Variants in SFXN2 observed in about 807,000 individuals in gnomAD.
SFXN2 encodes sideroflexin 2.
A neutral mutation model predicts 41.9 loss-of-function variants in SFXN2; 37 were observed. The ratio of observed to expected loss-of-function variants is 0.88; its 90% confidence interval spans 0.68 to 1.16. The LOEUF (loss-of-function observed/expected upper bound fraction) is 1.16, where lower values mean the gene tolerates loss of function less well. SFXN2 is among the 50% of genes most tolerant of loss of function. SFXN2 has a pLI of 0.00. For synonymous variants in SFXN2, 150 were observed against 156.7 expected (o/e 0.96, Z 0.32); for missense variants, 386 against 425.2 (o/e 0.91, Z 0.81).
chr10:102,726,521 G>C, intron 1 of SFXN2, 91 bp from the exon 2 acceptor site: 1 of 1,348,524 alleles, frequency 7.4e-7, no homozygotes, highest in Non-Finnish European at 1.0e-6. Context: ...TAGCTGGTGA[G>C]AGCAGGCAGT....
chr10:102,736,936 C>T (rs1464209506), intron 11 of SFXN2, among the ~76,000 whole-genome samples: 1 of 151,772 alleles, frequency 6.6e-6, no homozygotes, highest in African/African-American at 2.4e-5. Flanking sequence ...GGGCAGATCA[C>T]CTGAGGTCGA....
intron 1 of SFXN2, among the ~76,000 whole-genome samples, chr10:102,726,245 G>C (rs1396660174): frequency 6.6e-6 from 1 of 152,202 alleles, no homozygotes; most frequent in Non-Finnish European, 1.5e-5. Flanking sequence ...ACTGCACCCA[G>C]CTGGCTGTTT....
intron 6 of SFXN2, among the ~76,000 whole-genome samples, chr10:102,731,483 C>T (rs1380445327): frequency 6.6e-6 from 1 of 152,110 alleles, no homozygotes; most frequent in Non-Finnish European, 1.5e-5. Context: ...CACACACATC[C>T]CCTGCAGTTT....
At position 102,722,484 on chromosome 10, in the gene SFXN2, G is replaced by T. The variant is rs578046872; in HGVS notation, c.-25-4128G>T. 9.9e-5 allele frequency among the ~76,000 whole-genome samples: 15 copies of T among 152,256 alleles called. No individual in the cohort carries two copies. In the East Asian group the frequency reaches 2.7e-3, roughly 27 times the overall value. ...TTGTTTTAAACAAACGTATCTGTTTGTTAACTGTTAACAGTTCAGAATAAG... is the reference window on the plus strand; with the variant it reads ...TTGTTTTAAACAAACGTATCTGTTTTTTAACTGTTAACAGTTCAGAATAAG... On this transcript the variant is annotated intron_variant, in intron 1 of 11. Coordinates refer to ENST00000369893, the MANE Select transcript of SFXN2 (RefSeq NM_178858.6).
Position 102,737,651 on chromosome 10 carries a change from C to T in SFXN2, c.870-12C>T, listed in dbSNP as rs1287136015. ...CTGGTGGCATGCTCATAATCCACTT[C>T]TCTCTTTTCAGTGAATTGCCAGTTT... is the stretch of plus-strand genomic sequence containing the variant. On this transcript the variant is annotated splice_polypyrimidine_tract_variant and intron_variant, in intron 11 of 11. Coordinates refer to ENST00000369893, the MANE Select transcript of SFXN2 (RefSeq NM_178858.6). 7 of 1,586,444 alleles carry T rather than the reference C, an allele frequency of 4.4e-6. No individual in the cohort carries two copies. Among genetic ancestry groups the T allele is most frequent in the Non-Finnish European group, 6.1e-6 (7 of 1,155,286 alleles).
At chr10:102,737,107 T>C (rs1458334166) in intron 11 of SFXN2, among the ~76,000 whole-genome samples, 2 of 151,928 alleles carry the variant, frequency 1.3e-5, no homozygotes, top group East Asian at 1.9e-4. Flanking sequence ...TGAGCCGAGA[T>C]TGCACCACTG....
chr10:102,727,336 T>C (rs1465263733), intron 3 of SFXN2, among the ~76,000 whole-genome samples, 179 bp downstream of exon 3: 1 of 152,164 alleles, frequency 6.6e-6, no homozygotes, highest in East Asian at 1.9e-4. Context: ...ACACTATAGG[T>C]ACTATTATTT....
At chr10:102,733,520 C>T in intron 9 of SFXN2, 34 bp from the exon 10 acceptor site, 3 of 1,580,308 alleles carry the variant, frequency 1.9e-6, no homozygotes, top group East Asian at 2.2e-5. Context: ...ATAGAAGTAC[C>T]ATGTGGATCT....
intron 9 of SFXN2, among the ~76,000 whole-genome samples, chr10:102,733,176 CT>C (rs1378294327): frequency 6.6e-6 from 1 of 152,176 alleles, no homozygotes; most frequent in African/African-American, 2.4e-5. Flanking sequence ...GAGATGGAGT[CT>C]CGCTCTGTCG....
chr10:102,729,268 G>A (rs1316591895), intron 4 of SFXN2, 51 bp from the exon 5 acceptor site: 2 of 1,581,118 alleles, frequency 1.3e-6, no homozygotes, highest in Admixed American at 3.4e-5. Context: ...CCCGTGGTTT[G>A]GCCCTCAGCC....
At chr10:102,723,209 T>G (rs1314626950) in intron 1 of SFXN2, among the ~76,000 whole-genome samples, 1 of 149,848 alleles carries the variant, frequency 6.7e-6, no homozygotes, top group Non-Finnish European at 1.5e-5. Flanking sequence ...GCCTCCAAAG[T>G]GCTGAGATTA....
chr10:102,731,247 A>G (rs575124267), intron 6 of SFXN2, among the ~76,000 whole-genome samples: 1 of 146,298 alleles, frequency 6.8e-6, no homozygotes, highest in South Asian at 2.2e-4. Flanking sequence ...AGCCTGGGTG[A>G]CAGAGTGCGA....
At chr10:102,725,058 A>G (rs2064571534) in intron 1 of SFXN2, 1 of 152,152 alleles carries the variant, frequency 6.6e-6, no homozygotes. Context: ...ATAAAAGGCT[A>G]AATTTTCTTC....
Position 102,721,094 on chromosome 10 carries a change from C to T in SFXN2, c.-25-5518C>T, listed in dbSNP as rs1404614478. ...GTTGCTCCCTCTCCCCTGGGATGGT[C>T]TGTTGCTGGCCGCCTGCCCTGCTGA... On this transcript the variant is annotated intron_variant, in intron 1 of 11. Transcript: ENST00000369893. Among the ~76,000 whole-genome samples the T allele has an allele frequency of 8.5e-5, 13 of 152,196 alleles. 1 individual carries two copies. Among genetic ancestry groups the T allele is most frequent in the Non-Finnish European group, 1.3e-4 (9 of 68,038 alleles).
In SFXN2 at chr10:102,738,568, A is replaced by G. The variant is rs2064811391; in HGVS notation, c.*806A>G. 2 of 151,462 alleles carry G rather than the reference A, an allele frequency of 1.3e-5. No homozygotes were observed. The highest frequency in any genetic ancestry group is 1.3e-4 in the Admixed American group (2 of 15,196). The allele number at this position is 151,462 out of a possible 1,614,324, so 9.4% of individuals were successfully genotyped here. A position where few individuals can be genotyped will look rare whatever the true frequency, so the allele number is the denominator to read the frequency against. On this transcript the variant is annotated 3_prime_UTR_variant, in exon 12 of 12. Transcript: ENST00000369893. Reference sequence around the variant, plus strand: ...CGCCTCAGCCTCTGAAATTGCTGGGATTACAGGCATGAGCCACCACACCCA... The same window carrying G: ...CGCCTCAGCCTCTGAAATTGCTGGGGTTACAGGCATGAGCCACCACACCCA...
At chr10:102,716,365 A>C in intron 1 of SFXN2, 1 of 151,136 alleles carries the variant, frequency 6.6e-6, no homozygotes, top group Admixed American at 6.6e-5. Context: ...TTTTCTCCCT[A>C]CCTGGGGCTA....
Position 102,732,108 on chromosome 10 carries a change from A to G in SFXN2, c.655-44A>G, listed in dbSNP as rs774725468. 9.5e-6 allele frequency: 15 copies of G among 1,577,412 alleles called. No individual in the cohort carries two copies. The Admixed American group carries it at 2.4e-4, about 25-fold the overall frequency. ...CAGCCCCCTGGTGCAGCACATGTAC[A>G]CTGGATACATCATTTCTGACAACTT... On this transcript the variant is annotated intron_variant, in intron 7 of 11. Transcript: ENST00000369893.
chr10:102,725,491 G>A (rs992106441), intron 1 of SFXN2, among the ~76,000 whole-genome samples: 1 of 152,176 alleles, frequency 6.6e-6, no homozygotes, highest in Non-Finnish European at 1.5e-5. Flanking sequence ...GGAGGCTGAG[G>A]TTGGAGGATT....
intron 11 of SFXN2, among the ~76,000 whole-genome samples, chr10:102,736,564 G>A (rs553829895): frequency 5.3e-5 from 8 of 152,022 alleles, no homozygotes; most frequent in African/African-American, 9.6e-5. Context: ...TTATAGGCAC[G>A]TGCCACCACG....
Sources: allele counts gnomAD v4.1 joint callset (sites outside exome capture counted in the v4.1 genomes callset), GRCh38; gene constraint gnomAD v4.1.1; transcripts MANE v1.5; gene names NCBI Gene and HGNC (gene_info 2026-07-23, HGNC 2026-07-21).